OPCML: variants seen among roughly 807,000 people sequenced by gnomAD.
The protein encoded by OPCML is opioid binding protein/cell adhesion molecule like.
In OPCML, 13 loss-of-function variants were observed where a neutral mutation model predicts 37.8. That is an observed-to-expected ratio of 0.34 (90% confidence interval 0.22 to 0.55). The LOEUF (loss-of-function observed/expected upper bound fraction) is 0.55. Ranked by LOEUF, OPCML falls within the 20% of genes least tolerant of loss-of-function variation. The pLI is 0.91. For missense variants in OPCML, 341 were observed against 435.6 expected (o/e 0.78, Z 1.93); for synonymous variants, 176 against 168.8 (o/e 1.04, Z -0.33).
chr11:132,969,597 C>T (rs1487589939), intron 1 of OPCML, among the ~76,000 whole-genome samples: 1 of 152,166 alleles, frequency 6.6e-6, no homozygotes, highest in African/African-American at 2.4e-5. Context: ...GCTCTGTTCA[C>T]TTTTCTTCAC....
At chr11:132,690,438 C>T (rs955290942) in intron 2 of OPCML, among the ~76,000 whole-genome samples, 5 of 152,176 alleles carry the variant, frequency 3.3e-5, no homozygotes, top group East Asian at 1.9e-4. Context: ...AATGCATTAT[C>T]ATCTCCGAGT....
At chr11:132,543,264 C>T (rs1265330274) in intron 3 of OPCML, among the ~76,000 whole-genome samples, 1 of 152,126 alleles carries the variant, frequency 6.6e-6, no homozygotes, top group Non-Finnish European at 1.5e-5. Context: ...GTAATCCCAA[C>T]ACTTTCAGAG....
chr11:133,085,659 G>A (rs1345768325), intron 1 of OPCML, among the ~76,000 whole-genome samples: 1 of 152,190 alleles, frequency 6.6e-6, no homozygotes, highest in Non-Finnish European at 1.5e-5. Context: ...GGAGTGCTAT[G>A]TAACAGAATG....
At chr11:133,253,601 G>A (rs1325153848) in intron 1 of OPCML, among the ~76,000 whole-genome samples, 1 of 152,108 alleles carries the variant, frequency 6.6e-6, no homozygotes, top group East Asian at 1.9e-4. Flanking sequence ...GAGCCAACAC[G>A]CCTGGCTTGC....
Position 133,464,740 on chromosome 11 carries a change from T to C in OPCML, c.61+67524A>G, listed in dbSNP as rs545841412. Among the ~76,000 whole-genome samples, 4 of 152,292 alleles carry C rather than the reference T, an allele frequency of 2.6e-5. 1 individual carries two copies. The highest frequency in any genetic ancestry group is 9.6e-5 in the African/African-American group (4 of 41,566). On this transcript the variant is annotated intron_variant, in intron 1 of 7. Coordinates refer to ENST00000524381, the MANE Select transcript of OPCML (RefSeq NM_001012393.5). ...GAACACAGAGGAGGGGGAGATCTGT[T>C]AGCACGCTTTCAGAAACCTAAGTGA... is the stretch of plus-strand genomic sequence containing the variant.
chr11:132,672,529 C>T (rs1320386509), intron 2 of OPCML, among the ~76,000 whole-genome samples: 1 of 152,170 alleles, frequency 6.6e-6, no homozygotes, highest in Admixed American at 6.5e-5. Context: ...TCCTTGCTCT[C>T]TGTGTGTGGC....
At chr11:132,937,655 T>C (rs1239013985) in intron 2 of OPCML, among the ~76,000 whole-genome samples, 1 of 146,748 alleles carries the variant, frequency 6.8e-6, no homozygotes, top group East Asian at 2.1e-4. Flanking sequence ...GCAGACACAT[T>C]CCCACCAATC....
chr11:133,532,072 C>T (rs1948617251), intron 1 of OPCML, 192 bp downstream of exon 1: 2 of 493,078 alleles, frequency 4.1e-6, no homozygotes, highest in South Asian at 8.7e-5. Context: ...GTGCTGAAAG[C>T]ATCTGCGCGC....
intron 2 of OPCML, among the ~76,000 whole-genome samples, chr11:132,838,797 C>T (rs1388704138): frequency 6.6e-6 from 1 of 152,076 alleles, no homozygotes; most frequent in Non-Finnish European, 1.5e-5. Context: ...ATGGCACGGC[C>T]GCCGCCCTAT....
At chr11:132,952,003 C>G (rs2136698889) in intron 1 of OPCML, among the ~76,000 whole-genome samples, 1 of 152,312 alleles carries the variant, frequency 6.6e-6, no homozygotes, top group Non-Finnish European at 1.5e-5. Context: ...AAAGCAATTT[C>G]AAACTGTTAT....
chr11:132,602,385 G>C (rs746226960), intron 3 of OPCML, among the ~76,000 whole-genome samples: 2 of 152,116 alleles, frequency 1.3e-5, no homozygotes, highest in Non-Finnish European at 2.9e-5. Context: ...CCTGTGAAAG[G>C]CATTTAATTT....
At chr11:133,260,209 T>C (rs934127792) in intron 1 of OPCML, among the ~76,000 whole-genome samples, 4 of 151,500 alleles carry the variant, frequency 2.6e-5, no homozygotes, top group African/African-American at 7.3e-5. Flanking sequence ...GAGCCGTGCA[T>C]TGGGGCCAGT....
intron 1 of OPCML, among the ~76,000 whole-genome samples, chr11:133,431,293 GAAAAGATGCA>G (rs1424842999): frequency 6.6e-6 from 1 of 152,088 alleles, no homozygotes; most frequent in African/African-American, 2.4e-5. Context: ...TGTCAATTGA[GAAAAGATGCA>G]AAACTATATG....
At chr11:132,436,337 C>T in intron 6 of OPCML, 100 bp from the exon 7 acceptor site, 1 of 1,599,150 alleles carries the variant, frequency 6.3e-7, no homozygotes, top group Non-Finnish European at 8.5e-7. Context: ...AAACTCAAAC[C>T]CTAAGCACTT....
chr11:133,062,271 A>G (rs960932200), intron 1 of OPCML, among the ~76,000 whole-genome samples: 1 of 152,118 alleles, frequency 6.6e-6, no homozygotes, highest in African/African-American at 2.4e-5. Flanking sequence ...CCTCTGCCAG[A>G]CTGGACAGAC....
chr11:132,801,819 C>T (rs1435542312), intron 2 of OPCML, among the ~76,000 whole-genome samples: 2 of 152,154 alleles, frequency 1.3e-5, no homozygotes, highest in Non-Finnish European at 2.9e-5. Flanking sequence ...ATGTGCCATA[C>T]AGTATTCTAT....
chr11:132,752,303 A>G (rs1162190214), intron 2 of OPCML, among the ~76,000 whole-genome samples: 1 of 152,182 alleles, frequency 6.6e-6, no homozygotes, highest in Non-Finnish European at 1.5e-5. Flanking sequence ...AAGCAAAACA[A>G]AAAACCTAAT....
intron 1 of OPCML, among the ~76,000 whole-genome samples, chr11:133,377,006 T>C (rs997712665): frequency 2.0e-5 from 3 of 151,980 alleles, no homozygotes; most frequent in Non-Finnish European, 2.9e-5. Flanking sequence ...AGAAAAGAGA[T>C]GAACGGCGAC....
chr11:133,267,076 T>C (rs1941684270), intron 1 of OPCML, among the ~76,000 whole-genome samples: 1 of 152,194 alleles, frequency 6.6e-6, no homozygotes, highest in Admixed American at 6.5e-5. Flanking sequence ...TTTGTTTCCC[T>C]AGAGAGGCTG....
Sources: allele counts gnomAD v4.1 joint callset (sites outside exome capture counted in the v4.1 genomes callset), GRCh38; gene constraint gnomAD v4.1.1; transcripts MANE v1.5; gene names NCBI Gene and HGNC (gene_info 2026-07-23, HGNC 2026-07-21).